The following CARNMT1 variants were observed in gnomAD, a reference collection of about 807,000 sequenced individuals.
The protein encoded by CARNMT1 is carnosine N-methyltransferase 1, also known as protein-L-histidine N-pros-methyltransferase CARNMT1.
A neutral mutation model predicts 49.6 loss-of-function variants in CARNMT1; 28 were observed. The observed-to-expected ratio is 0.56, with a 90% CI of 0.42 to 0.77. The LOEUF (loss-of-function observed/expected upper bound fraction) is 0.77, where lower values mean the gene tolerates loss of function less well. Ranked by LOEUF, CARNMT1 falls within the 30% of genes least tolerant of loss-of-function variation. CARNMT1 has a pLI of 0.00. For missense variants in CARNMT1, 421 were observed against 512.6 expected, an observed-to-expected ratio of 0.82 and a Z score of 1.73; for synonymous variants, 178 against 175.0, an observed-to-expected ratio of 1.02 and a Z score of -0.13.
intron 6 of CARNMT1, among the ~76,000 whole-genome samples, chr9:74,989,981 T>C (rs1464612236): frequency 1.3e-5 from 2 of 152,104 alleles, no homozygotes; most frequent in Non-Finnish European, 2.9e-5. Flanking sequence ...AGAGAAGTGG[T>C]TGAGATATAT....
At chr9:75,018,042 T>C (rs1166657371) in intron 1 of CARNMT1, among the ~76,000 whole-genome samples, 1 of 152,068 alleles carries the variant, frequency 6.6e-6, no homozygotes, top group Non-Finnish European at 1.5e-5. Context: ...AAATAGAACA[T>C]AATTTTTACT....
Position 75,027,319 on chromosome 9 carries a change from T to C in CARNMT1, c.230+693A>G, listed in dbSNP as rs1242139777. The stretch of plus-strand genomic sequence containing the variant: ...GCCTAGCACACCAGGGAGAATTAGA[T>C]ACAGATTTGCAGAAAAAAAGAACGT... On this transcript the variant is annotated intron_variant, in intron 1 of 7. Coordinates refer to ENST00000376834, the MANE Select transcript of CARNMT1 (RefSeq NM_152420.3). 4 of 749,708 alleles carry C rather than the reference T, an allele frequency of 5.3e-6. No individual in the cohort carries two copies. In the African/African-American group the frequency reaches 5.7e-5, roughly 11 times the overall value. The allele number at this position is 749,708 out of a possible 1,614,324, so 46.4% of individuals were successfully genotyped here.
At chr9:75,026,321 T>A (rs929513478) in intron 1 of CARNMT1, among the ~76,000 whole-genome samples, 1 of 152,174 alleles carries the variant, frequency 6.6e-6, no homozygotes, top group African/African-American at 2.4e-5. Context: ...TACTTACCCA[T>A]AAATATCAAT....
intron 3 of CARNMT1, among the ~76,000 whole-genome samples, chr9:75,011,762 A>T (rs1488313570): frequency 1.3e-5 from 2 of 152,188 alleles, no homozygotes; most frequent in Non-Finnish European, 2.9e-5. Flanking sequence ...GGGAAAGACA[A>T]GGAACTGTGG....
intron 1 of CARNMT1, among the ~76,000 whole-genome samples, chr9:75,020,710 C>T (rs1822321458): frequency 6.6e-6 from 1 of 152,174 alleles, no homozygotes; most frequent in African/African-American, 2.4e-5. Context: ...TCAGAAGAAG[C>T]TCCTGACAAA....
chr9:75,025,457 T>G (rs554361433), intron 1 of CARNMT1, among the ~76,000 whole-genome samples: 63 of 152,334 alleles, frequency 4.1e-4, no homozygotes, highest in African/African-American at 1.5e-3. Flanking sequence ...TTGTTTACAT[T>G]TATCTCAATT....
chr9:74,981,014 C>T lies in CARNMT1; in HGVS notation c.*2753G>A, dbSNP rs1285427356. 1 of 152,140 alleles carries T rather than the reference C, an allele frequency of 6.6e-6. No individual in the cohort carries two copies. The highest frequency in any genetic ancestry group is 2.4e-5 in the African/African-American group (1 of 41,464). The allele number at this position is 152,140 out of a possible 1,614,324, so 9.4% of individuals were successfully genotyped here. On this transcript the variant is annotated 3_prime_UTR_variant, in exon 8 of 8. Transcript: ENST00000376834. Reference sequence around the variant, plus strand: ...ATTAATTTAGATGAAAACCAAGCAACTATCGTTTCATAGCAATTGGCAGAC... The same window carrying T: ...ATTAATTTAGATGAAAACCAAGCAATTATCGTTTCATAGCAATTGGCAGAC...
intron 1 of CARNMT1, among the ~76,000 whole-genome samples, chr9:75,022,367 G>A (rs1236125689): frequency 6.6e-6 from 1 of 151,714 alleles, no homozygotes; most frequent in Non-Finnish European, 1.5e-5. Flanking sequence ...GGGACTACAG[G>A]TGCACACCAC....
rs1401399313 is a variant in CARNMT1 at position 75,007,751 on chromosome 9, A to C, written c.591-7881T>G. On this transcript the variant is annotated intron_variant, in intron 3 of 7. Coordinates refer to ENST00000376834, the MANE Select transcript of CARNMT1 (RefSeq NM_152420.3). Reference sequence around the variant, plus strand: ...CTCAAAAAAATAAAAATAATAAAAAAAAAAAAACTAAGAAAATTCTTCAAC... The same window carrying C: ...CTCAAAAAAATAAAAATAATAAAAACAAAAAAACTAAGAAAATTCTTCAAC... Among the ~76,000 whole-genome samples the C allele has an allele frequency of 2.0e-5, 3 of 150,620 alleles. 1 individual carries two copies. The highest frequency in any genetic ancestry group is 4.9e-5 in the African/African-American group (2 of 41,194).
chr9:75,006,970 G>A (rs1049426159), intron 3 of CARNMT1, among the ~76,000 whole-genome samples: 3 of 152,050 alleles, frequency 2.0e-5, no homozygotes, highest in Non-Finnish European at 4.4e-5. Flanking sequence ...TATAATCACT[G>A]AGTATAAACA....
At chr9:75,013,471 A>G (rs952104827) in intron 3 of CARNMT1, among the ~76,000 whole-genome samples, 5 of 152,210 alleles carry the variant, frequency 3.3e-5, no homozygotes, top group African/African-American at 7.2e-5. Flanking sequence ...AGCATTATGT[A>G]TAATTGCTAG....
rs1403224034 is a variant in CARNMT1, at chr9:74,981,224, A to T, written c.*2543T>A. The stretch of plus-strand genomic sequence containing the variant: ...ACTGTGATTTTTACAGCTTCTCCTT[A>T]TATTGTACATGTTCCACCTTGCTCA... On this transcript the variant is annotated 3_prime_UTR_variant, in exon 8 of 8. Transcript: ENST00000376834. 2 of 152,126 alleles carry T rather than the reference A, an allele frequency of 1.3e-5. No individual in the cohort carries two copies. Among genetic ancestry groups the T allele is most frequent in the African/African-American group, 4.8e-5 (2 of 41,430 alleles). The allele number at this position is 152,126 out of a possible 1,614,324, so 9.4% of individuals were successfully genotyped here.
intron 5 of CARNMT1, among the ~76,000 whole-genome samples, chr9:74,996,788 A>G (rs1786330375): frequency 6.6e-6 from 1 of 152,218 alleles, no homozygotes; most frequent in South Asian, 2.1e-4. Flanking sequence ...CATCCCCAAT[A>G]ACACTAATAT....
At position 74,996,307 on chromosome 9, in the gene CARNMT1, A is replaced by G; in HGVS notation, c.1024+140T>C. 3 of 567,230 alleles carry G rather than the reference A, an allele frequency of 5.3e-6. No individual in the cohort carries two copies. In the East Asian group the frequency reaches 8.9e-5, roughly 17 times the overall value. 35.1% of individuals were successfully genotyped at this position (567,230 alleles called of 1,614,324 possible). ...AGGGATCACCACCAGGATGCAGTCT[A>G]AAGGAAACTGTAGTGGTTTTAAAAC... On this transcript the variant is annotated intron_variant, in intron 6 of 7. Coordinates refer to ENST00000376834, the MANE Select transcript of CARNMT1 (RefSeq NM_152420.3).
intron 1 of CARNMT1, among the ~76,000 whole-genome samples, chr9:75,021,468 T>G (rs979156284): frequency 8.2e-6 from 1 of 122,432 alleles, no homozygotes; most frequent in African/African-American, 2.7e-5. Flanking sequence ...AGGATAAATA[T>G]ATATACTATA....
chr9:74,994,723 T>C (rs1374982014), intron 6 of CARNMT1, among the ~76,000 whole-genome samples: 1 of 152,206 alleles, frequency 6.6e-6, no homozygotes, highest in Non-Finnish European at 1.5e-5. Flanking sequence ...CTGAGACTTT[T>C]TTTTTTACAT....
chr9:75,013,169 T>C (rs1833751469), intron 3 of CARNMT1, among the ~76,000 whole-genome samples: 1 of 152,252 alleles, frequency 6.6e-6, no homozygotes, highest in Admixed American at 6.5e-5. Flanking sequence ...CCATAACCCA[T>C]GCACGGAGAC....
chr9:75,013,007 A>G (rs1420503891), intron 3 of CARNMT1, among the ~76,000 whole-genome samples: 2 of 152,192 alleles, frequency 1.3e-5, no homozygotes, highest in Admixed American at 6.5e-5. Flanking sequence ...AATTCTTCAG[A>G]GCTATTTCAA....
chr9:75,021,366 T>C, intron 1 of CARNMT1, among the ~76,000 whole-genome samples: 1 of 146,550 alleles, frequency 6.8e-6, no homozygotes, highest in East Asian at 2.0e-4. Flanking sequence ...ATATATATTA[T>C]ATACATAGTA....
Sources: allele counts gnomAD v4.1 joint callset (sites outside exome capture counted in the v4.1 genomes callset), GRCh38; gene constraint gnomAD v4.1.1; transcripts MANE v1.5; gene names NCBI Gene and HGNC (gene_info 2026-07-23, HGNC 2026-07-21).